The following ACADL variants were observed in gnomAD, a reference collection of about 807,000 sequenced individuals.
The protein encoded by ACADL is long-chain specific acyl-CoA dehydrogenase, mitochondrial.
Under a neutral mutation model 56.9 loss-of-function variants are expected in ACADL, and 60 were observed. That is an observed-to-expected ratio of 1.05 (90% CI 0.86 to 1.31). ACADL has a LOEUF of 1.31. Ranked by LOEUF, ACADL falls within the 50% of genes most tolerant of loss-of-function variation. The pLI is 0.00. For missense variants in ACADL, 484 were observed against 525.5 expected, an observed-to-expected ratio of 0.92 and a Z score of 0.77; for synonymous variants, 158 against 179.7, an observed-to-expected ratio of 0.88 and a Z score of 0.97.
At chr2:210,193,061 T>C (rs1344366949) in intron 9 of ACADL, among the ~76,000 whole-genome samples, 171 bp from the exon 10 acceptor site, 1 of 152,234 alleles carries the variant, frequency 6.6e-6, no homozygotes, top group Non-Finnish European at 1.5e-5. Flanking sequence ...ATGAAATATA[T>C]TTCAAGAGAA....
chr2:210,188,961 C>G lies in ACADL; in HGVS notation c.1293G>C (p.Ter431TyrextTer12). 1.2e-6 allele frequency: 2 copies of G among 1,608,386 alleles called. No individual in the cohort carries two copies. The highest frequency in any genetic ancestry group is 1.7e-5 in the Admixed American group (1 of 59,992). Reference protein sequence around the residue: ...LIAREIVFDK* With the variant: ...LIAREIVFDKY ...AGGACTCCAGGATGTGGGCAGATGTCTACTTGTCAAAGACAATCTCTCTTG... is the reference window on the plus strand; with the variant it reads ...AGGACTCCAGGATGTGGGCAGATGTGTACTTGTCAAAGACAATCTCTCTTG... The change falls in exon 11 of 11, where the codon TAG becomes TAC. Residue 431 changes from the stop codon to tyrosine, a stop_lost. Coordinates refer to ENST00000233710, the MANE Select transcript of ACADL (RefSeq NM_001608.4).
chr2:210,214,501 A>AAGAAAGAAAGAAAGAAAG (rs1419261943), intron 4 of ACADL, among the ~76,000 whole-genome samples: 4 of 150,730 alleles, frequency 2.7e-5, no homozygotes, highest in African/African-American at 9.9e-5. Context: ...GAAAGAAAGA[A>AAGAAAGAAAGAAAGAAAG]AGAAAGAAAA....
chr2:210,214,964 G>A (rs1689060756), intron 4 of ACADL, among the ~76,000 whole-genome samples: 1 of 152,042 alleles, frequency 6.6e-6, no homozygotes, highest in Non-Finnish European at 1.5e-5. Flanking sequence ...TAAACATATT[G>A]CAAGTCATGC....
In ACADL at chr2:210,197,382, A is replaced by G. The variant is rs967519420; in HGVS notation, c.985-2044T>C. 2.0e-5 allele frequency among the ~76,000 whole-genome samples: 3 copies of G among 152,036 alleles called. No homozygotes were observed. The East Asian group carries it at 5.8e-4, about 29-fold the overall frequency. ...GTTTCCCTTAATTTTTTCTATCTCCATTTCTATTCATCATATATTTAATTA... is the reference window on the plus strand; with the variant it reads ...GTTTCCCTTAATTTTTTCTATCTCCGTTTCTATTCATCATATATTTAATTA... On this transcript the variant is annotated intron_variant, in intron 8 of 10. Transcript: ENST00000233710.
chr2:210,210,263 C>G lies in ACADL; in HGVS notation c.537-1G>C. 1 of 1,602,508 alleles carries G rather than the reference C, an allele frequency of 6.2e-7. No homozygotes were observed. The highest frequency in any genetic ancestry group is 8.5e-7 in the Non-Finnish European group (1 of 1,170,884). On this transcript the variant is annotated splice_acceptor_variant, in intron 4 of 10. Coordinates refer to ENST00000233710, the MANE Select transcript of ACADL (RefSeq NM_001608.4). LOFTEE classifies it high-confidence loss of function. ...ATTTGTTTTTATTCCCTGTAAGTCA[C>G]TGTAATTGAAAGAAAAGATAAAAAA...
intron 8 of ACADL, among the ~76,000 whole-genome samples, chr2:210,197,086 C>T (rs1688721782): frequency 6.6e-6 from 1 of 152,152 alleles, no homozygotes; most frequent in Non-Finnish European, 1.5e-5. Flanking sequence ...CAGGACCAAG[C>T]AAGACCAGGG....
chr2:210,206,973 A>G (rs1218816940), intron 5 of ACADL, among the ~76,000 whole-genome samples: 2 of 152,016 alleles, frequency 1.3e-5, no homozygotes, highest in Non-Finnish European at 2.9e-5. Flanking sequence ...ATTCCTTCCC[A>G]CCCCTACTCC....
At chr2:210,214,030 T>TAATAA (rs72222603) in intron 4 of ACADL, among the ~76,000 whole-genome samples, 133,761 of 151,352 alleles carry the variant, frequency 0.88, 59,346 homozygotes, top group East Asian at 1. Context: ...CTTTAAAAAA[T>TAATAA]AATAAAATAA....
chr2:210,225,195 G>T lies in ACADL; in HGVS notation c.69C>A (p.Pro23=). The change falls in exon 1 of 11, where the codon CCC becomes CCA. Residue 23 remains proline, a synonymous_variant. Coordinates refer to ENST00000233710, the MANE Select transcript of ACADL (RefSeq NM_001608.4). ...TCCCGGCTGGCACTCACCGCGCGGC[G>T]GGCAGCTGGCGCGGCGCACGGTGGC... is the stretch of plus-strand genomic sequence containing the variant. ...LGGHRAPRQL[P]AARCSHSGGE... 6.5e-7 allele frequency: 1 copy of T among 1,535,262 alleles called. No homozygotes were observed. The highest frequency in any genetic ancestry group is 1.2e-5 in the South Asian group (1 of 83,832).
rs1575685019 is a variant in ACADL at position 210,225,405 on chromosome 2, T to A, written c.-142A>T. The stretch of plus-strand genomic sequence containing the variant: ...CCAAAAAAGCGCTCGCGCGCGCCCT[T>A]CCGGAGCCCCAACCACGCCACAGGC... On this transcript the variant is annotated 5_prime_UTR_variant, in exon 1 of 11. Transcript: ENST00000233710. The A allele has an allele frequency of 1.1e-6, 1 of 893,542 alleles. No individual in the cohort carries two copies. The highest frequency in any genetic ancestry group is 2.8e-5 in the East Asian group (1 of 35,454). 55.4% of individuals were successfully genotyped at this position (893,542 alleles called of 1,614,324 possible).
In ACADL at chr2:210,196,985, T is replaced by TA. The variant is rs1330240740; in HGVS notation, c.985-1648dup. ...GCTGGCTACAGCAATTCTCAAGTTA[T>TA]AAAACTGATTCTTTCACTGTCATTG... On this transcript the variant is annotated intron_variant, in intron 8 of 10. Coordinates refer to ENST00000233710, the MANE Select transcript of ACADL (RefSeq NM_001608.4). Among the ~76,000 whole-genome samples, 4 of 152,326 alleles carry TA rather than the reference T, an allele frequency of 2.6e-5. No individual in the cohort carries two copies. The South Asian group carries it at 6.2e-4, about 24-fold the overall frequency.
At chr2:210,216,688 T>C (rs1689092333) in intron 3 of ACADL, 177 bp from the exon 4 acceptor site, 1 of 597,670 alleles carries the variant, frequency 1.7e-6, no homozygotes, top group South Asian at 2.0e-5. Context: ...AATTTCTGGT[T>C]CCAACACAAT....
intron 5 of ACADL, among the ~76,000 whole-genome samples, chr2:210,209,014 A>G (rs1342427202): frequency 6.6e-6 from 1 of 152,214 alleles, no homozygotes; most frequent in African/African-American, 2.4e-5. Context: ...TTCTGACCAA[A>G]TATCCCACTC....
chr2:210,214,782 G>C (rs1160540494), intron 4 of ACADL, among the ~76,000 whole-genome samples: 1 of 152,218 alleles, frequency 6.6e-6, no homozygotes, highest in Admixed American at 6.5e-5. Flanking sequence ...CAGTCAGGTA[G>C]TTATCTTAGA....
At chr2:210,211,941 C>G (rs1466124720) in intron 4 of ACADL, among the ~76,000 whole-genome samples, 1 of 151,676 alleles carries the variant, frequency 6.6e-6, no homozygotes, top group African/African-American at 2.4e-5. Flanking sequence ...AGTGATTCTC[C>G]TGCCTCAGCC....
chr2:210,224,327 G>A (rs1689231218), intron 1 of ACADL: 1 of 909,854 alleles, frequency 1.1e-6, no homozygotes, highest in Non-Finnish European at 1.3e-6. Context: ...TCTCAGTGAC[G>A]TCTTCCCAAA....
chr2:210,219,880 G>A (rs1396257261), intron 2 of ACADL, among the ~76,000 whole-genome samples: 1 of 151,954 alleles, frequency 6.6e-6, no homozygotes, highest in Non-Finnish European at 1.5e-5. Flanking sequence ...TTGCCTAACT[G>A]TAGGCTTATG....
intron 2 of ACADL, among the ~76,000 whole-genome samples, chr2:210,220,031 C>T (rs1279891870): frequency 6.6e-6 from 1 of 152,014 alleles, no homozygotes; most frequent in Non-Finnish European, 1.5e-5. Flanking sequence ...CTGCTTCTAA[C>T]ATAATAACGG....
chr2:210,195,574 TAAAC>T (rs1238925115), intron 8 of ACADL, among the ~76,000 whole-genome samples: 1 of 152,172 alleles, frequency 6.6e-6, no homozygotes, highest in Non-Finnish European at 1.5e-5. Flanking sequence ...GTTTAAAACA[TAAAC>T]AATGTCTTGT....
Sources: allele counts gnomAD v4.1 joint callset (sites outside exome capture counted in the v4.1 genomes callset), GRCh38; gene constraint gnomAD v4.1.1; transcripts MANE v1.5; gene names NCBI Gene and HGNC (gene_info 2026-07-23, HGNC 2026-07-21).